The following EYA2 variants were observed in gnomAD, a reference collection of about 807,000 sequenced individuals.
EYA2 encodes EYA transcriptional coactivator and phosphatase 2.
A neutral mutation model predicts 69.2 loss-of-function variants in EYA2; 31 were observed. That is an observed-to-expected ratio of 0.45 (90% CI 0.34 to 0.60). EYA2 has a LOEUF of 0.60. Among genes scored for constraint, EYA2 ranks in the 20% least tolerant of loss-of-function variants. The probability of loss-of-function intolerance (pLI) is 0.02; values close to 1 mark genes in which losing one functional copy is unlikely to be tolerated. For synonymous variants in EYA2, 257 were observed against 279.4 expected, an observed-to-expected ratio of 0.92 and a Z score of 0.80; for missense variants, 622 against 701.2, an observed-to-expected ratio of 0.89 and a Z score of 1.28.
At chr20:46,992,897 TC>T (rs1981773351) in intron 2 of EYA2, among the ~76,000 whole-genome samples, 2 of 152,106 alleles carry the variant, frequency 1.3e-5, no homozygotes, top group Admixed American at 1.3e-4. Context: ...ATTATGCCTC[TC>T]CCCCTGCCTG....
chr20:47,073,768 A>T (rs2146476411), intron 6 of EYA2, among the ~76,000 whole-genome samples: 2 of 152,160 alleles, frequency 1.3e-5, no homozygotes, highest in African/African-American at 4.8e-5. Context: ...CCCTGGGTGC[A>T]GCTCTCAAAG....
At chr20:46,897,599 A>G (rs1983876828) in intron 1 of EYA2, among the ~76,000 whole-genome samples, 1 of 152,186 alleles carries the variant, frequency 6.6e-6, no homozygotes, top group South Asian at 2.1e-4. Flanking sequence ...CCAGTTTGAA[A>G]CTAATTAGGC....
rs79670248 is a variant in EYA2 at position 47,122,829 on chromosome 20, G to T, written c.889-20230G>T. ...TGTCTATGTCTGCTTTTGTGCTACC[G>T]CAGCAGAGTTGAATAGTTATGATGG... On this transcript the variant is annotated intron_variant, in intron 9 of 15. Coordinates refer to ENST00000327619, the MANE Select transcript of EYA2 (RefSeq NM_005244.5). 6.4e-3 allele frequency among the ~76,000 whole-genome samples: 967 copies of T among 152,152 alleles called. 6 individuals are homozygous for T. The highest frequency in any genetic ancestry group is 0.021 in the African/African-American group (852 of 41,496).
intron 1 of EYA2, among the ~76,000 whole-genome samples, chr20:46,965,090 C>T (rs1035395911): frequency 1.3e-5 from 2 of 152,182 alleles, no homozygotes; most frequent in Admixed American, 1.3e-4. Context: ...GCCTCTGACA[C>T]TTAACTGCCT....
chr20:47,058,805 A>G (rs540012677), intron 5 of EYA2, among the ~76,000 whole-genome samples: 2 of 152,324 alleles, frequency 1.3e-5, no homozygotes, highest in African/African-American at 2.4e-5. Flanking sequence ...GTGCCACTGC[A>G]CCCCAGCCTG....
At chr20:46,974,938 A>C (rs540639250) in intron 1 of EYA2, among the ~76,000 whole-genome samples, 5 of 152,212 alleles carry the variant, frequency 3.3e-5, no homozygotes, top group Non-Finnish European at 7.3e-5. Flanking sequence ...CACGCATCGT[A>C]AAATGCAGAC....
intron 9 of EYA2, among the ~76,000 whole-genome samples, chr20:47,104,348 G>T (rs970139492): frequency 3.9e-5 from 6 of 152,110 alleles, no homozygotes; most frequent in Non-Finnish European, 7.4e-5. Flanking sequence ...TCAGATATGT[G>T]ATTTGCAAAT....
At chr20:46,988,587 C>A (rs562832884) in intron 1 of EYA2, among the ~76,000 whole-genome samples, 23 of 152,358 alleles carry the variant, frequency 1.5e-4, no homozygotes, top group East Asian at 3.9e-4. Context: ...TCTCTGAAGA[C>A]AACTGCAGGT....
intron 1 of EYA2, among the ~76,000 whole-genome samples, chr20:46,920,571 A>G (rs1323251660): frequency 6.6e-6 from 1 of 152,216 alleles, no homozygotes; most frequent in African/African-American, 2.4e-5. Flanking sequence ...GTGGAATCCC[A>G]GAGTCTGAGA....
rs576898879 is a variant in EYA2, at chr20:47,003,280, C to T, written c.156-1662C>T. Among the ~76,000 whole-genome samples, 13 of 152,318 alleles carry T rather than the reference C, an allele frequency of 8.5e-5. No homozygotes were observed. The South Asian group carries it at 2.7e-3, about 32-fold the overall frequency. On this transcript the variant is annotated intron_variant, in intron 3 of 15. Coordinates refer to ENST00000327619, the MANE Select transcript of EYA2 (RefSeq NM_005244.5). ...AAATGGGGATAGAAACAAAAATTAC[C>T]TCCAAGGCTTATCACAGTTGTGGTG...
At chr20:47,164,845 A>G (rs1450584586) in intron 10 of EYA2, among the ~76,000 whole-genome samples, 2 of 152,242 alleles carry the variant, frequency 1.3e-5, no homozygotes, top group Admixed American at 6.5e-5. Context: ...CCAAGTTTAC[A>G]TATTGCCCAT....
At chr20:47,139,590 C>T (rs535292973) in intron 9 of EYA2, among the ~76,000 whole-genome samples, 4 of 152,130 alleles carry the variant, frequency 2.6e-5, no homozygotes, top group Non-Finnish European at 5.9e-5. Flanking sequence ...CCACCACACC[C>T]GGCTAATTTT....
intron 1 of EYA2, among the ~76,000 whole-genome samples, chr20:46,979,050 G>A (rs967692803): frequency 6.6e-5 from 10 of 152,228 alleles, no homozygotes; most frequent in African/African-American, 2.2e-4. Flanking sequence ...TTCTCAGCCC[G>A]TGAAGGATGC....
chr20:47,122,372 C>A (rs1684847430), intron 9 of EYA2, among the ~76,000 whole-genome samples: 1 of 146,182 alleles, frequency 6.8e-6, no homozygotes, highest in African/African-American at 2.6e-5. Flanking sequence ...CAGCTCACTG[C>A]AAGCTCTGCC....
At chr20:47,100,037 G>T (rs892115098) in intron 9 of EYA2, among the ~76,000 whole-genome samples, 5 of 117,840 alleles carry the variant, frequency 4.2e-5, no homozygotes, top group African/African-American at 9.4e-5. Flanking sequence ...GGTTTGGTTT[G>T]GTTTTGTTCA....
At chr20:47,038,726 G>T (rs1984857856) in intron 5 of EYA2, among the ~76,000 whole-genome samples, 1 of 152,200 alleles carries the variant, frequency 6.6e-6, no homozygotes. Flanking sequence ...TTTCCATCTT[G>T]CCAAACTGAA....
In EYA2 at chr20:47,076,064, G is replaced by A. The variant is rs533157468; in HGVS notation, c.661+1729G>A. Among the ~76,000 whole-genome samples, 117 of 152,338 alleles carry A rather than the reference G, an allele frequency of 7.7e-4. 1 individual carries two copies. The highest frequency in any genetic ancestry group is 1.7e-3 in the South Asian group (8 of 4,828). ...TTTTATGGCTGCGTAGTATTCCATG[G>A]TGTATATATACCACATTTTCTTTAT... On this transcript the variant is annotated intron_variant, in intron 7 of 15. Transcript: ENST00000327619.
At chr20:47,132,102 C>G (rs1417496555) in intron 9 of EYA2, among the ~76,000 whole-genome samples, 1 of 152,126 alleles carries the variant, frequency 6.6e-6, no homozygotes, top group Non-Finnish European at 1.5e-5. Flanking sequence ...GCACACACCA[C>G]CACGCCCAGC....
chr20:47,067,648 A>C lies in EYA2; in HGVS notation c.416-4537A>C, dbSNP rs767787935. Among the ~76,000 whole-genome samples the C allele has an allele frequency of 7.2e-5, 11 of 152,202 alleles. No individual in the cohort carries two copies. In the South Asian group the frequency reaches 1.7e-3, roughly 23 times the overall value. On this transcript the variant is annotated intron_variant, in intron 5 of 15. Coordinates refer to ENST00000327619, the MANE Select transcript of EYA2 (RefSeq NM_005244.5). ...ATGTAACGAACCAAATTGTATATTG[A>C]GCTGTTGGCACAACCACATAGAGAG...
Sources: allele counts gnomAD v4.1 joint callset (sites outside exome capture counted in the v4.1 genomes callset), GRCh38; gene constraint gnomAD v4.1.1; transcripts MANE v1.5; gene names NCBI Gene and HGNC (gene_info 2026-07-23, HGNC 2026-07-21).